The following SLC16A7 variants were observed in gnomAD, a reference collection of about 807,000 sequenced individuals.
SLC16A7 encodes solute carrier family 16 member 7, also known as monocarboxylate transporter 2.
Under a neutral mutation model 34.9 loss-of-function variants are expected in SLC16A7, and 33 were observed. The ratio of observed to expected loss-of-function variants is 0.94; its 90% CI spans 0.72 to 1.26. The LOEUF (loss-of-function observed/expected upper bound fraction) is 1.26, where lower values mean the gene tolerates loss of function less well. Ranked by LOEUF, SLC16A7 falls within the 50% of genes most tolerant of loss-of-function variation. SLC16A7 has a pLI of 0.00. For missense variants in SLC16A7, 573 were observed against 578.1 expected, an observed-to-expected ratio of 0.99 and a Z score of 0.09; for synonymous variants, 201 against 206.6, an observed-to-expected ratio of 0.97 and a Z score of 0.23.
intron 1 of SLC16A7, among the ~76,000 whole-genome samples, chr12:59,633,718 G>A (rs1231546084): frequency 1.3e-5 from 2 of 151,994 alleles, no homozygotes; most frequent in Non-Finnish European, 1.5e-5. Flanking sequence ...TACGGTCATG[G>A]TGGAAGGTGA....
chr12:59,737,545 C>T (rs1164290414), intron 3 of SLC16A7, among the ~76,000 whole-genome samples: 1 of 152,206 alleles, frequency 6.6e-6, no homozygotes, highest in Non-Finnish European at 1.5e-5. Flanking sequence ...TGCTCCTTAA[C>T]TGCTTTGACT....
intron 2 of SLC16A7, among the ~76,000 whole-genome samples, chr12:59,670,990 T>G (rs981162038): frequency 4.6e-5 from 7 of 151,470 alleles, no homozygotes; most frequent in Non-Finnish European, 1.0e-4. Context: ...TTTCTTTCTA[T>G]GCATTTCTGC....
At chr12:59,606,236 G>C (rs1199652489) in intron 1 of SLC16A7, among the ~76,000 whole-genome samples, 1 of 152,188 alleles carries the variant, frequency 6.6e-6, no homozygotes, top group Non-Finnish European at 1.5e-5. Context: ...GGAGATTCAA[G>C]TGCTGATATT....
intron 2 of SLC16A7, among the ~76,000 whole-genome samples, chr12:59,684,443 C>G (rs148729331): frequency 1.4e-4 from 21 of 152,222 alleles, no homozygotes; most frequent in African/African-American, 4.8e-4. Flanking sequence ...TTCTAGTGAG[C>G]AGGGTAGGAA....
intron 1 of SLC16A7, among the ~76,000 whole-genome samples, chr12:59,621,931 C>T (rs1337944904): frequency 6.6e-6 from 1 of 151,692 alleles, no homozygotes; most frequent in Non-Finnish European, 1.5e-5. Flanking sequence ...ATAATTCTGT[C>T]TACTTTTTCC....
At chr12:59,614,826 A>AAAAAAACAAAACAAAAC (rs398044381) in intron 1 of SLC16A7, among the ~76,000 whole-genome samples, 7 of 134,106 alleles carry the variant, frequency 5.2e-5, no homozygotes, top group African/African-American at 2.0e-4. Flanking sequence ...ATTCCTACTA[A>AAAAAAACAAAACAAAAC]AAAAAAAAAA....
At chr12:59,758,356 T>G (rs1433677596) in intron 3 of SLC16A7, among the ~76,000 whole-genome samples, 1 of 152,110 alleles carries the variant, frequency 6.6e-6, no homozygotes, top group Non-Finnish European at 1.5e-5. Flanking sequence ...GATACTGTAT[T>G]TTCTCATATG....
At chr12:59,770,364 C>T (rs945055272) in intron 3 of SLC16A7, among the ~76,000 whole-genome samples, 3 of 152,060 alleles carry the variant, frequency 2.0e-5, no homozygotes, top group African/African-American at 7.2e-5. Flanking sequence ...GAGAGATCCA[C>T]CATTTTTCCA....
chr12:59,787,787 C>T lies in SLC16A7; in HGVS notation c.*8108C>T, dbSNP rs1024121985. On this transcript the variant is annotated 3_prime_UTR_variant, in exon 6 of 6. Transcript: ENST00000547379. ...TGTGTTTGGTTAGATTCAGCCAAAC[C>T]GACACCCGTATGCTAAGACTGCATT... is the stretch of plus-strand genomic sequence containing the variant. 9.2e-5 allele frequency: 14 copies of T among 152,078 alleles called. No homozygotes were observed. The highest frequency in any genetic ancestry group is 1.3e-4 in the Non-Finnish European group (9 of 68,004). 9.4% of individuals were successfully genotyped at this position (152,078 alleles called of 1,614,324 possible). A position where few individuals can be genotyped will look rare whatever the true frequency, so the allele number is the denominator to read the frequency against.
rs534858628 is a variant in SLC16A7, at chr12:59,782,480, A to G, written c.*2801A>G. On this transcript the variant is annotated 3_prime_UTR_variant, in exon 6 of 6. Coordinates refer to ENST00000547379, the MANE Select transcript of SLC16A7 (RefSeq NM_001270623.2). ...TATGAACATATTTCTTTCTCTAGGGAATAATAGGTTTTAAACATTTGAGAT... is the reference window on the plus strand; with the variant it reads ...TATGAACATATTTCTTTCTCTAGGGGATAATAGGTTTTAAACATTTGAGAT... 120 of 152,274 alleles carry G rather than the reference A, an allele frequency of 7.9e-4. No individual in the cohort carries two copies. Among genetic ancestry groups the G allele is most frequent in the African/African-American group, 2.9e-3 (119 of 41,566 alleles). 9.4% of individuals were successfully genotyped at this position (152,274 alleles called of 1,614,324 possible).
intron 3 of SLC16A7, among the ~76,000 whole-genome samples, chr12:59,714,573 T>C (rs1220894750): frequency 6.6e-6 from 1 of 151,874 alleles, no homozygotes; most frequent in East Asian, 1.9e-4. Context: ...CTCTTTTTTT[T>C]TTTCCTTTTG....
chr12:59,771,589 T>G (rs1455524908), intron 4 of SLC16A7, among the ~76,000 whole-genome samples: 3 of 152,216 alleles, frequency 2.0e-5, no homozygotes, highest in Non-Finnish European at 4.4e-5. Context: ...TGTTATCATA[T>G]AAATTTAAAA....
chr12:59,737,721 T>A (rs2137267901), intron 3 of SLC16A7, among the ~76,000 whole-genome samples: 1 of 152,304 alleles, frequency 6.6e-6, no homozygotes, highest in African/African-American at 2.4e-5. Flanking sequence ...CCTGTCCCTG[T>A]TACACAATTT....
intron 1 of SLC16A7, among the ~76,000 whole-genome samples, chr12:59,612,302 C>T (rs2136968628): frequency 1.3e-5 from 2 of 152,314 alleles, no homozygotes; most frequent in African/African-American, 4.8e-5. Context: ...TTGGGGCTCG[C>T]CCTATCTAAA....
At chr12:59,674,390 A>G (rs184371738) in intron 2 of SLC16A7, among the ~76,000 whole-genome samples, 36 of 152,330 alleles carry the variant, frequency 2.4e-4, no homozygotes, top group African/African-American at 8.7e-4. Flanking sequence ...TGTGAATTAA[A>G]TGATAGAAAG....
chr12:59,732,391 GC>G (rs1877059851), intron 3 of SLC16A7, among the ~76,000 whole-genome samples: 1 of 152,168 alleles, frequency 6.6e-6, no homozygotes, highest in African/African-American at 2.4e-5. Context: ...CTGCACTCCA[GC>G]CTGGGCGACA....
In SLC16A7 at chr12:59,737,991, C is replaced by G. The variant is rs1877796105; in HGVS notation, c.217+32973C>G. 2.6e-5 allele frequency among the ~76,000 whole-genome samples: 4 copies of G among 152,212 alleles called. 1 individual carries two copies. The highest frequency in any genetic ancestry group is 6.8e-3 in the Middle Eastern group (2 of 294). ...ACAGTATGAGATAATGATCCATTCT[C>G]CTGTTTTATTTCATTATTTGGTTGT... On this transcript the variant is annotated intron_variant, in intron 3 of 5. Transcript: ENST00000547379.
intron 2 of SLC16A7, among the ~76,000 whole-genome samples, chr12:59,682,191 CATT>C (rs1173381340): frequency 1.3e-5 from 2 of 152,158 alleles, no homozygotes; most frequent in Admixed American, 6.5e-5. Flanking sequence ...TAAACTTAAT[CATT>C]ATCTGCAGAT....
chr12:59,744,450 T>A (rs1005352008), intron 3 of SLC16A7, among the ~76,000 whole-genome samples: 4 of 152,136 alleles, frequency 2.6e-5, no homozygotes, highest in African/African-American at 7.2e-5. Context: ...TCCAGTTCCA[T>A]TCCCTTTGCA....
Sources: gnomAD v4.1 joint callset for allele counts (sites outside exome capture counted in the v4.1 genomes callset) on GRCh38, gnomAD v4.1.1 for gene constraint, MANE v1.5 for transcripts, NCBI Gene and HGNC (gene_info 2026-07-23, HGNC 2026-07-21) for gene names.